Variants in MYT1L observed in about 807,000 individuals in gnomAD.
The protein encoded by MYT1L is myelin transcription factor 1-like protein.
In MYT1L, 12 loss-of-function variants were observed where a neutral mutation model predicts 126.7. The ratio of observed to expected loss-of-function variants is 0.09; its 90% confidence interval spans 0.06 to 0.15. The LOEUF is 0.15. Ranked by LOEUF, MYT1L falls within the 10% of genes least tolerant of loss-of-function variation. The pLI, the probability that MYT1L is intolerant of heterozygous loss-of-function variation, is 1.00. For missense variants in MYT1L, 979 were observed against 1,585.2 expected (o/e 0.62, Z 6.49); for synonymous variants, 541 against 604.2 (o/e 0.90, Z 1.53).
chr2:2,075,522 T>C (rs2075124641), intron 3 of MYT1L, among the ~76,000 whole-genome samples: 1 of 152,120 alleles, frequency 6.6e-6, no homozygotes, highest in Non-Finnish European at 1.5e-5. Flanking sequence ...AAGACTGAGG[T>C]CTATCACAAT....
At chr2:1,844,104 C>G (rs993094507) in intron 19 of MYT1L, among the ~76,000 whole-genome samples, 1 of 152,140 alleles carries the variant, frequency 6.6e-6, no homozygotes. Flanking sequence ...TTACCTGCCC[C>G]CACTCACTTG....
Position 2,014,060 on chromosome 2 carries a change from A to T in MYT1L, c.-157-16713T>A, listed in dbSNP as rs372284788. 2.6e-5 allele frequency among the ~76,000 whole-genome samples: 4 copies of T among 152,180 alleles called. No individual in the cohort carries two copies. In the East Asian group the frequency reaches 7.7e-4, roughly 29 times the overall value. ...CCAATTTGCCTAGTAAATAACAACT[A>T]ACTGCTAAGGAAGAACCAGATCAAG... is the stretch of plus-strand genomic sequence containing the variant. On this transcript the variant is annotated intron_variant, in intron 4 of 24. Transcript: ENST00000647738.
intron 3 of MYT1L, among the ~76,000 whole-genome samples, chr2:2,084,198 A>G (rs1370095145): frequency 6.6e-6 from 1 of 152,136 alleles, no homozygotes; most frequent in East Asian, 1.9e-4. Flanking sequence ...CCACTCCATC[A>G]GTAAGCCCAT....
intron 5 of MYT1L, among the ~76,000 whole-genome samples, chr2:1,984,891 A>C (rs902336763): frequency 2.0e-5 from 3 of 152,244 alleles, no homozygotes; most frequent in African/African-American, 7.2e-5. Flanking sequence ...TTCTGATGTC[A>C]AGTACCACAT....
chr2:2,087,453 T>G (rs1026334870), intron 3 of MYT1L, among the ~76,000 whole-genome samples: 2 of 152,128 alleles, frequency 1.3e-5, no homozygotes, highest in Non-Finnish European at 2.9e-5. Flanking sequence ...AGGTCAGCCC[T>G]GAAAGGACAC....
chr2:2,051,689 A>G (rs927913572), intron 4 of MYT1L, among the ~76,000 whole-genome samples: 41 of 152,340 alleles, frequency 2.7e-4, no homozygotes, highest in African/African-American at 9.4e-4. Flanking sequence ...AGATTTTAGA[A>G]AACTTTATAT....
chr2:2,255,983 A>G (rs115147681), intron 2 of MYT1L, among the ~76,000 whole-genome samples: 2,448 of 152,312 alleles, frequency 0.016, 61 homozygotes, highest in African/African-American at 0.056. Flanking sequence ...TGCAGCTACC[A>G]AGTCTCATTA....
chr2:2,008,775 T>A (rs1057459975), intron 4 of MYT1L, among the ~76,000 whole-genome samples: 2 of 152,204 alleles, frequency 1.3e-5, no homozygotes, highest in African/African-American at 4.8e-5. Context: ...AAGGAGATTT[T>A]TCCCAACATT....
chr2:2,312,399 TC>T (rs2095987531), intron 1 of MYT1L, among the ~76,000 whole-genome samples: 2 of 152,008 alleles, frequency 1.3e-5, no homozygotes, highest in South Asian at 4.2e-4. Context: ...TCGCTCGAGC[TC>T]AGGAGTTCAA....
intron 3 of MYT1L, among the ~76,000 whole-genome samples, chr2:2,081,767 T>TCTCA (rs1376245052): frequency 6.6e-6 from 1 of 152,086 alleles, no homozygotes; most frequent in Non-Finnish European, 1.5e-5. Context: ...AGAGATGGAG[T>TCTCA]CTCACTCTGT....
chr2:2,279,771 G>T (rs2095422460), intron 2 of MYT1L, among the ~76,000 whole-genome samples: 1 of 152,162 alleles, frequency 6.6e-6, no homozygotes. Context: ...GTTCATAAGG[G>T]TTTTTAATGT....
At chr2:2,078,117 T>C (rs776184557) in intron 3 of MYT1L, among the ~76,000 whole-genome samples, 2 of 152,178 alleles carry the variant, frequency 1.3e-5, no homozygotes, top group Non-Finnish European at 2.9e-5. Flanking sequence ...AGTATTAGTC[T>C]GAACTAGGTT....
Position 2,017,464 on chromosome 2 carries a change from C to T in MYT1L, c.-157-20117G>A, listed in dbSNP as rs191147326. 2.1e-3 allele frequency among the ~76,000 whole-genome samples: 326 copies of T among 152,318 alleles called. 4 individuals carry two copies. Among genetic ancestry groups the T allele is most frequent in the African/African-American group, 5.5e-3 (229 of 41,576 alleles). On this transcript the variant is annotated intron_variant, in intron 4 of 24. Coordinates refer to ENST00000647738, the MANE Select transcript of MYT1L (RefSeq NM_001303052.2). ...CCAGTGCCTTCAACTGTGGATCTAC[C>T]TGCTCTAAGTTGCAGGTTCCCCCTT...
intron 2 of MYT1L, among the ~76,000 whole-genome samples, chr2:2,225,998 C>T (rs7596988): frequency 6.6e-6 from 1 of 152,276 alleles, no homozygotes; most frequent in East Asian, 1.9e-4. Context: ...GCTCCAGACG[C>T]TAACTCCTAA....
At chr2:1,955,905 G>T (rs895734172) in intron 8 of MYT1L, among the ~76,000 whole-genome samples, 16 of 152,170 alleles carry the variant, frequency 1.1e-4, no homozygotes, top group East Asian at 1.9e-4. Flanking sequence ...TGTGCATGCT[G>T]CCCCACTCTA....
intron 18 of MYT1L, among the ~76,000 whole-genome samples, chr2:1,859,569 G>A (rs1456762454): frequency 6.6e-6 from 1 of 152,206 alleles, no homozygotes; most frequent in African/African-American, 2.4e-5. Flanking sequence ...GCAACTGGGC[G>A]AGTGAAGAAG....
chr2:1,888,349 T>G (rs546246500), intron 16 of MYT1L, among the ~76,000 whole-genome samples: 1 of 152,354 alleles, frequency 6.6e-6, no homozygotes, highest in African/African-American at 2.4e-5. Context: ...CTTAGAAATT[T>G]AGCTTGCCAC....
At chr2:1,845,001 G>A (rs2042310216) in intron 19 of MYT1L, among the ~76,000 whole-genome samples, 1 of 144,684 alleles carries the variant, frequency 6.9e-6, no homozygotes, top group South Asian at 2.2e-4. Context: ...TTTTGAGACA[G>A]AGTCTCTCGC....
chr2:1,863,506 A>G (rs928086660), intron 18 of MYT1L, among the ~76,000 whole-genome samples: 1 of 149,382 alleles, frequency 6.7e-6, no homozygotes, highest in Admixed American at 6.6e-5. Flanking sequence ...TTCCTTTCAC[A>G]TGACGCCACA....
Sources: gnomAD v4.1 joint callset for allele counts (sites outside exome capture counted in the v4.1 genomes callset) on GRCh38, gnomAD v4.1.1 for gene constraint, MANE v1.5 for transcripts, NCBI Gene and HGNC (gene_info 2026-07-23, HGNC 2026-07-21) for gene names.